ZFYVE28: variants seen among roughly 807,000 people sequenced by gnomAD.
ZFYVE28 encodes zinc finger FYVE-type containing 28.
A neutral mutation model predicts 82.1 loss-of-function variants in ZFYVE28; 40 were observed. The ratio of observed to expected loss-of-function variants is 0.49; its 90% confidence interval spans 0.38 to 0.63. ZFYVE28 has a LOEUF of 0.63. ZFYVE28 is among the 30% of genes least tolerant of loss of function. ZFYVE28 has a pLI of 0.00. For missense variants in ZFYVE28, 1,321 were observed against 1,242.1 expected, an observed-to-expected ratio of 1.06 and a Z score of -0.96; for synonymous variants, 612 against 546.1, an observed-to-expected ratio of 1.12 and a Z score of -1.68.
In ZFYVE28 at chr4:2,304,580, G is replaced by C. The variant is rs372565755; in HGVS notation, c.1760C>G (p.Pro587Arg). 46 of 1,612,278 alleles carry C rather than the reference G, an allele frequency of 2.9e-5. No homozygotes were observed. The highest frequency in any genetic ancestry group is 3.7e-5 in the Non-Finnish European group (44 of 1,179,774). Residue 587 changes from proline to arginine, a missense_variant, in exon 8 of 13, where the codon CCG (proline) becomes CGG (arginine). Around this residue, in one of 2 missense-constraint regions of ZFYVE28, gnomAD observed 978 missense variants for 833.7 expected, o/e 1.17. Coordinates refer to ENST00000290974, the MANE Select transcript of ZFYVE28 (RefSeq NM_020972.3). ...VVERLREKCS[P>R]GGVIGASYAA... The stretch of plus-strand genomic sequence containing the variant: ...GTACGAGGCACCAATGACGCCTCCC[G>C]GGCTGCACTTCTCCCGCAGACGCTC...
At chr4:2,281,963 G>A (rs1229940808) in intron 8 of ZFYVE28, among the ~76,000 whole-genome samples, 1 of 152,208 alleles carries the variant, frequency 6.6e-6, no homozygotes, top group African/African-American at 2.4e-5. Context: ...GAACAGTACG[G>A]GTGAGATACA....
At chr4:2,338,501 G>A (rs1722217214) in intron 4 of ZFYVE28, among the ~76,000 whole-genome samples, 1 of 152,180 alleles carries the variant, frequency 6.6e-6, no homozygotes, top group African/African-American at 2.4e-5. Flanking sequence ...GCCGAGGCAG[G>A]AGAATGGCTT....
intron 1 of ZFYVE28, among the ~76,000 whole-genome samples, chr4:2,415,985 C>G (rs1353840619): frequency 2.6e-5 from 4 of 152,208 alleles, no homozygotes; most frequent in Non-Finnish European, 5.9e-5. Context: ...GAGCTACTAC[C>G]AGACAGCATG....
At position 2,335,929 on chromosome 4, in the gene ZFYVE28, A is replaced by G. The variant is rs1449877326; in HGVS notation, c.612-135T>C. On this transcript the variant is annotated intron_variant, in intron 5 of 12. Coordinates refer to ENST00000290974, the MANE Select transcript of ZFYVE28 (RefSeq NM_020972.3). The surrounding 1 kb of genome is among the most constrained non-coding windows in gnomAD (Gnocchi z 5.8). The stretch of plus-strand genomic sequence containing the variant: ...TGGTGGCCACGTCAAGAGGTGACAC[A>G]TGCCACCCCCAGTCCTCATATGTGC... 1.0e-5 allele frequency: 7 copies of G among 687,726 alleles called. No individual in the cohort carries two copies. The highest frequency in any genetic ancestry group is 1.8e-5 in the Non-Finnish European group (7 of 386,986). 42.6% of individuals were successfully genotyped at this position (687,726 alleles called of 1,614,324 possible).
At chr4:2,384,123 G>A (rs1729005894) in intron 1 of ZFYVE28, among the ~76,000 whole-genome samples, 2 of 152,160 alleles carry the variant, frequency 1.3e-5, no homozygotes, top group Non-Finnish European at 2.9e-5. Context: ...GCAGTGTTGG[G>A]TTCCCACATT....
rs551904299 is a variant in ZFYVE28 at position 2,373,919 on chromosome 4, G to A, written c.40-19846C>T. Among the ~76,000 whole-genome samples the A allele has an allele frequency of 2.7e-3, 415 of 152,220 alleles. 1 individual carries two copies. Among genetic ancestry groups the A allele is most frequent in the Non-Finnish European group, 4.7e-3 (320 of 68,000 alleles). On this transcript the variant is annotated intron_variant, in intron 1 of 12. Coordinates refer to ENST00000290974, the MANE Select transcript of ZFYVE28 (RefSeq NM_020972.3). The stretch of plus-strand genomic sequence containing the variant: ...CCCTCCCTGTCATGCCCCAAGCCCT[G>A]CCTCCCTGTGTCCTCTCTCCTCAGC...
chr4:2,315,653 T>C (rs1415946230), intron 7 of ZFYVE28, among the ~76,000 whole-genome samples: 2 of 152,252 alleles, frequency 1.3e-5, no homozygotes, highest in Non-Finnish European at 2.9e-5. Context: ...AAGACAGCTA[T>C]CCATCTTATG....
chr4:2,402,942 T>G (rs1731355355), intron 1 of ZFYVE28, among the ~76,000 whole-genome samples: 1 of 152,212 alleles, frequency 6.6e-6, no homozygotes. Flanking sequence ...TCACAGGACG[T>G]GCCTACCACC....
In ZFYVE28 at chr4:2,300,563, C is replaced by T. The variant is rs532468247; in HGVS notation, c.2051+3726G>A. Among the ~76,000 whole-genome samples the T allele has an allele frequency of 8.8e-4, 134 of 152,252 alleles. No individual in the cohort carries two copies. Among genetic ancestry groups the T allele is most frequent in the Non-Finnish European group, 1.5e-3 (104 of 68,022 alleles). ...GGGCTCCTCCTGGCTGGGACCCTCA[C>T]GCCAGGACTCCAGTGGGCCATGTGC... is the stretch of plus-strand genomic sequence containing the variant. On this transcript the variant is annotated intron_variant, in intron 8 of 12. Coordinates refer to ENST00000290974, the MANE Select transcript of ZFYVE28 (RefSeq NM_020972.3). This position sits in a 1 kb window ranked among gnomAD's most constrained non-coding sequence, Gnocchi z 4.6.
chr4:2,405,203 C>A (rs1214814732), intron 1 of ZFYVE28, among the ~76,000 whole-genome samples: 1 of 152,186 alleles, frequency 6.6e-6, no homozygotes, highest in East Asian at 1.9e-4. Context: ...GGGCCTGGGG[C>A]CTTCAGGAGA....
rs750637197 is a variant in ZFYVE28, at chr4:2,353,923, C to A, written c.180+10G>T. On this transcript the variant is annotated intron_variant, in intron 2 of 12. Coordinates refer to ENST00000290974, the MANE Select transcript of ZFYVE28 (RefSeq NM_020972.3). ...CGGGGCCAGCCAGCTTCTGCTGCCC[C>A]GTGGCTCACCTGACAGGAGCGGAAC... 1.1e-5 allele frequency: 17 copies of A among 1,504,724 alleles called. No individual in the cohort carries two copies. Among genetic ancestry groups the A allele is most frequent in the East Asian group, 5.1e-5 (2 of 39,046 alleles). The allele number at this position is 1,504,724 out of a possible 1,614,324, so 93.2% of individuals were successfully genotyped here.
At chr4:2,356,360 C>G (rs1010453278) in intron 1 of ZFYVE28, among the ~76,000 whole-genome samples, 3 of 151,972 alleles carry the variant, frequency 2.0e-5, no homozygotes, top group Non-Finnish European at 2.9e-5. Context: ...AGGAGCCGAT[C>G]TGGACCTGGG....
At position 2,404,857 on chromosome 4, in the gene ZFYVE28, C is replaced by CTTTTTT. The variant is rs11404626; in HGVS notation, c.39+13422_39+13427dup. The stretch of plus-strand genomic sequence containing the variant: ...TGCATTTCACCCTCTCAGTCTCGCT[C>CTTTTTT]TTTTTTTTTTTTTTTTTTTTGAGAG... On this transcript the variant is annotated intron_variant, in intron 1 of 12. Coordinates refer to ENST00000290974, the MANE Select transcript of ZFYVE28 (RefSeq NM_020972.3). Among the ~76,000 whole-genome samples the CTTTTTT allele has an allele frequency of 1.6e-3, 173 of 110,962 alleles. 2 individuals carry two copies. The highest frequency in any genetic ancestry group is 6.4e-3 in the Middle Eastern group (1 of 156). 72.8% of individuals were successfully genotyped at this position (110,962 alleles called of 152,430 possible). A position where few individuals can be genotyped will look rare whatever the true frequency, so the allele number is the denominator to read the frequency against.
chr4:2,318,296 G>A lies in ZFYVE28; in HGVS notation c.803+1874C>T, dbSNP rs578194619. ...CTTTTGGCTGGTCGCAGTGGCTCAC[G>A]CCTGTAATCCCAGCACTTTGGGAGG... On this transcript the variant is annotated intron_variant, in intron 7 of 12. Transcript: ENST00000290974. Among the ~76,000 whole-genome samples, 355 of 152,276 alleles carry A rather than the reference G, an allele frequency of 2.3e-3. 1 individual carries two copies. Among genetic ancestry groups the A allele is most frequent in the Non-Finnish European group, 4.4e-3 (298 of 68,032 alleles).
intron 1 of ZFYVE28, among the ~76,000 whole-genome samples, chr4:2,398,578 T>C (rs1177805969): frequency 6.6e-6 from 1 of 151,570 alleles, no homozygotes; most frequent in Non-Finnish European, 1.5e-5. Flanking sequence ...TGTGGCGAGA[T>C]CCAGGGCACA....
At chr4:2,404,580 A>C (rs1731616973) in intron 1 of ZFYVE28, among the ~76,000 whole-genome samples, 3 of 152,224 alleles carry the variant, frequency 2.0e-5, no homozygotes, top group Admixed American at 1.3e-4. Context: ...GCCAGACACA[A>C]AAGGCCCCAC....
chr4:2,368,713 A>G (rs533585809), intron 1 of ZFYVE28, among the ~76,000 whole-genome samples: 1 of 152,354 alleles, frequency 6.6e-6, no homozygotes, highest in African/African-American at 2.4e-5. Flanking sequence ...TTGTTTATCC[A>G]GGCATCTGTC....
Position 2,305,403 on chromosome 4 carries a change from G to A in ZFYVE28, c.937C>T (p.Pro313Ser), listed in dbSNP as rs764524238. 1.6e-5 allele frequency: 25 copies of A among 1,612,790 alleles called. No homozygotes were observed. The African/African-American group carries it at 2.5e-4, about 16-fold the overall frequency. ...GAGAGTGGCCCCTCAGGGGGGAGAG[G>A]GGCAGAGAGGGCAGGCGCCAGGGCA... ...PAALAPALSA[P>S]LPPEGPLSAK... The change falls in exon 8 of 13, where the codon CCT (proline) becomes TCT (serine). Residue 313 changes from proline to serine, a missense_variant. Transcript: ENST00000290974.
At chr4:2,353,019 C>G (rs1470238941) in intron 2 of ZFYVE28, among the ~76,000 whole-genome samples, 2 of 152,216 alleles carry the variant, frequency 1.3e-5, no homozygotes, top group Non-Finnish European at 2.9e-5. Context: ...GGGACTCTCC[C>G]CACCCACAGA....
Sources: gnomAD v4.1 joint callset for allele counts (sites outside exome capture counted in the v4.1 genomes callset) on GRCh38, gnomAD v4.1.1 for gene constraint, gnomAD v4.1.1 regional missense constraint, Gnocchi (gnomAD v3.1) non-coding constraint, MANE v1.5 for transcripts, NCBI Gene and HGNC (gene_info 2026-07-23, HGNC 2026-07-21) for gene names.